WIPI2: variants seen among roughly 807,000 people sequenced by gnomAD.
WIPI2 encodes WD repeat domain phosphoinositide-interacting protein 2.
A neutral mutation model predicts 52.3 loss-of-function variants in WIPI2; 28 were observed. The ratio of observed to expected loss-of-function variants is 0.54; its 90% CI spans 0.40 to 0.73. WIPI2 has a LOEUF of 0.73. Among genes scored for constraint, WIPI2 ranks in the 30% least tolerant of loss-of-function variants. The probability of loss-of-function intolerance (pLI) is 0.00; values close to 1 mark genes in which losing one functional copy is unlikely to be tolerated. For missense variants in WIPI2, 506 were observed against 602.9 expected (o/e 0.84, Z 1.68); for synonymous variants, 268 against 245.0 (o/e 1.09, Z -0.88).
chr7:5,194,241 T>C (rs1781631730), intron 2 of WIPI2, among the ~76,000 whole-genome samples: 2 of 152,132 alleles, frequency 1.3e-5, no homozygotes, highest in Non-Finnish European at 2.9e-5. Flanking sequence ...GGGCTGTCCA[T>C]AGCCCTGAAA....
At chr7:5,225,663 C>G (rs1421452238) in intron 8 of WIPI2, among the ~76,000 whole-genome samples, 160 bp from the exon 9 acceptor site, 4 of 152,240 alleles carry the variant, frequency 2.6e-5, no homozygotes, top group South Asian at 2.1e-4. Flanking sequence ...GAACATTTTC[C>G]TCTCTCAAGG....
At position 5,192,787 on chromosome 7, in the gene WIPI2, C is replaced by A. The variant is rs142347391; in HGVS notation, c.75-331C>A. Among the ~76,000 whole-genome samples the A allele has an allele frequency of 2.7e-3, 413 of 152,272 alleles. 2 individuals carry two copies. Among genetic ancestry groups the A allele is most frequent in the African/African-American group, 9.4e-3 (392 of 41,540 alleles). ...GCTTTTATGGCTTATACCTTTTCCTCCCTTCTTAATCTCCAGAATTTATTG... is the reference window on the plus strand; with the variant it reads ...GCTTTTATGGCTTATACCTTTTCCTACCTTCTTAATCTCCAGAATTTATTG... On this transcript the variant is annotated intron_variant, in intron 1 of 12. Coordinates refer to ENST00000288828, the MANE Select transcript of WIPI2 (RefSeq NM_015610.4).
At chr7:5,193,419 C>T in intron 2 of WIPI2, 2 of 1,139,428 alleles carry the variant, frequency 1.8e-6, no homozygotes, top group Non-Finnish European at 2.3e-6. Context: ...ACTTGACTTT[C>T]CAAGTCTTGT....
In WIPI2 at chr7:5,230,974, G is replaced by A; in HGVS notation, c.*27G>A. Reference sequence around the variant, plus strand: ...CTTGACCTGTGACCTCTGACCCGGGGAGCAGAGAACACTGGCTTCACAGAG... The same window carrying A: ...CTTGACCTGTGACCTCTGACCCGGGAAGCAGAGAACACTGGCTTCACAGAG... On this transcript the variant is annotated 3_prime_UTR_variant, in exon 13 of 13. Transcript: ENST00000288828. This position sits in a 1 kb window ranked among gnomAD's most constrained non-coding sequence, Gnocchi z 4.8. The A allele has an allele frequency of 3.1e-6, 5 of 1,594,462 alleles. No homozygotes were observed. Among genetic ancestry groups the A allele is most frequent in the Non-Finnish European group, 4.3e-6 (5 of 1,168,368 alleles).
Position 5,228,146 on chromosome 7 carries a change from G to A in WIPI2, c.1056G>A (p.Gly352=), listed in dbSNP as rs758229619. ...IPRLLVGAAD[G]YLYMYNLDPQ... ...GGTTGTTGGTGGGTGCCGCCGACGG[G>A]TACCTGTACATGTACAACCTGGACC... The change falls in exon 11 of 13, where the codon GGG becomes GGA. Residue 352 remains glycine (G), a synonymous_variant. Coordinates refer to ENST00000288828, the MANE Select transcript of WIPI2 (RefSeq NM_015610.4). 1.6e-5 allele frequency: 26 copies of A among 1,613,794 alleles called. No homozygotes were observed. Among genetic ancestry groups the A allele is most frequent in the African/African-American group, 5.3e-5 (4 of 74,926 alleles).
Position 5,227,075 on chromosome 7 carries a change from G to A in WIPI2, c.849-105G>A, listed in dbSNP as rs928131034. ...CTGTTTAATTTTCCTGTGAAGAATG[G>A]AGACTTTTGCTGTCGGCTCCAGAGC... On this transcript the variant is annotated intron_variant, in intron 9 of 12. Coordinates refer to ENST00000288828, the MANE Select transcript of WIPI2 (RefSeq NM_015610.4). The surrounding 1 kb of genome is among the most constrained non-coding windows in gnomAD (Gnocchi z 8.1). 18 of 1,460,700 alleles carry A rather than the reference G, an allele frequency of 1.2e-5. No individual in the cohort carries two copies. In the African/African-American group the frequency reaches 2.5e-4, roughly 21 times the overall value. The allele number at this position is 1,460,700 out of a possible 1,614,324, so 90.5% of individuals were successfully genotyped here. A position where few individuals can be genotyped will look rare whatever the true frequency, so the allele number is the denominator to read the frequency against.
intron 11 of WIPI2, chr7:5,229,404 C>T (rs536811214): frequency 5.8e-6 from 3 of 518,568 alleles, no homozygotes; most frequent in Admixed American, 3.5e-5. Flanking sequence ...AGGTATAACT[C>T]CCTCTTTAGA....
At chr7:5,199,482 T>C (rs1011069557) in intron 2 of WIPI2, 94 bp from the exon 3 acceptor site, 1 of 1,073,038 alleles carries the variant, frequency 9.3e-7, no homozygotes, top group Non-Finnish European at 1.4e-6. Flanking sequence ...CGCGGGGAAC[T>C]TGCTGGGAAC....
chr7:5,213,805 G>A (rs975851410), intron 3 of WIPI2, among the ~76,000 whole-genome samples: 1 of 152,032 alleles, frequency 6.6e-6, no homozygotes, highest in Non-Finnish European at 1.5e-5. Flanking sequence ...CCTGCCTCAG[G>A]CTCCTGAGTA....
chr7:5,193,554 A>G (rs1284577081), intron 2 of WIPI2, among the ~76,000 whole-genome samples: 1 of 152,074 alleles, frequency 6.6e-6, no homozygotes, highest in African/African-American at 2.4e-5. Context: ...CTCTTTGTTC[A>G]TCTGTAAATC....
At chr7:5,205,022 C>A (rs1782224804) in intron 3 of WIPI2, among the ~76,000 whole-genome samples, 1 of 152,112 alleles carries the variant, frequency 6.6e-6, no homozygotes, top group Non-Finnish European at 1.5e-5. Context: ...ATCATCCAGG[C>A]TGGAGTGCAG....
rs1783768522 is a variant in WIPI2, at chr7:5,232,414, A to G, written c.*1467A>G. ...GGGGACGCTGGAGTCCGACTCACCT[A>G]CACCGGCTTCCTCCCAGCCGCTGGT... On this transcript the variant is annotated 3_prime_UTR_variant, in exon 13 of 13. Coordinates refer to ENST00000288828, the MANE Select transcript of WIPI2 (RefSeq NM_015610.4). 3 of 398,074 alleles carry G rather than the reference A, an allele frequency of 7.5e-6. No individual in the cohort carries two copies. The highest frequency in any genetic ancestry group is 1.3e-5 in the Non-Finnish European group (3 of 226,050). 24.7% of individuals were successfully genotyped at this position (398,074 alleles called of 1,614,324 possible). A position where few individuals can be genotyped will look rare whatever the true frequency, so the allele number is the denominator to read the frequency against.
rs1782896192 is a variant in WIPI2 at position 5,217,797 on chromosome 7, G to C, written c.577-125G>C. The C allele has an allele frequency of 5.7e-6, 5 of 872,082 alleles. 1 individual carries two copies. In the South Asian group the frequency reaches 6.0e-5, roughly 11 times the overall value. 54.0% of individuals were successfully genotyped at this position (872,082 alleles called of 1,614,324 possible). ...CAGCCCCAGTAAATCAAGTGGGTTT[G>C]GCATTTGTTTGGACCGTAATGGTGT... On this transcript the variant is annotated intron_variant, in intron 6 of 12. Transcript: ENST00000288828.
chr7:5,195,310 G>A (rs760575559), intron 2 of WIPI2, among the ~76,000 whole-genome samples: 1 of 149,670 alleles, frequency 6.7e-6, no homozygotes, highest in Non-Finnish European at 1.5e-5. Flanking sequence ...AACACAGGGA[G>A]ACCTCGACTC....
At chr7:5,216,757 G>A (rs1782835592) in intron 5 of WIPI2, 98 bp downstream of exon 5, 2 of 1,167,896 alleles carry the variant, frequency 1.7e-6, no homozygotes, top group Admixed American at 2.3e-5. Context: ...AGGTTCCGCA[G>A]ATGAGACAGA....
intron 3 of WIPI2, among the ~76,000 whole-genome samples, chr7:5,203,230 A>G (rs1298195812): frequency 6.6e-6 from 1 of 152,226 alleles, no homozygotes; most frequent in Admixed American, 6.5e-5. Flanking sequence ...ACTGGTTGGA[A>G]TATTAATTTC....
intron 2 of WIPI2, among the ~76,000 whole-genome samples, chr7:5,193,566 A>G (rs548232142): frequency 2.0e-5 from 3 of 152,202 alleles, no homozygotes; most frequent in South Asian, 2.1e-4. Flanking sequence ...CTGTAAATCA[A>G]GGGTTTGGGT....
intron 8 of WIPI2, among the ~76,000 whole-genome samples, chr7:5,223,798 T>A (rs1783273512): frequency 6.6e-6 from 1 of 152,112 alleles, no homozygotes; most frequent in Non-Finnish European, 1.5e-5. Flanking sequence ...TAGCGCCACT[T>A]GCCACCCCCG....
chr7:5,223,048 C>T lies in WIPI2; in HGVS notation c.740+376C>T, dbSNP rs551920440. On this transcript the variant is annotated intron_variant, in intron 8 of 12. Transcript: ENST00000288828. ...AGAACCTGTTCCAGCTCTCCAGCTC[C>T]GCCTCCACCCTCAGCAAATGGCATT... Among the ~76,000 whole-genome samples, 27 of 152,304 alleles carry T rather than the reference C, an allele frequency of 1.8e-4. No individual in the cohort carries two copies. The South Asian group carries it at 3.3e-3, about 19-fold the overall frequency.
Sources: gnomAD v4.1 joint callset for allele counts (sites outside exome capture counted in the v4.1 genomes callset) on GRCh38, gnomAD v4.1.1 for gene constraint, Gnocchi (gnomAD v3.1) non-coding constraint, MANE v1.5 for transcripts, NCBI Gene and HGNC (gene_info 2026-07-23, HGNC 2026-07-21) for gene names.